SGCD: variants seen among roughly 807,000 people sequenced by gnomAD.
The protein encoded by SGCD is sarcoglycan delta.
A neutral mutation model predicts 36.6 loss-of-function variants in SGCD; 18 were observed. The ratio of observed to expected loss-of-function variants is 0.49; its 90% CI spans 0.34 to 0.73. SGCD has a LOEUF of 0.73. Ranked by LOEUF, SGCD falls within the 30% of genes least tolerant of loss-of-function variation. The pLI is 0.01. For missense variants in SGCD, 387 were observed against 346.7 expected, an observed-to-expected ratio of 1.12 and a Z score of -0.92; for synonymous variants, 133 against 130.6, an observed-to-expected ratio of 1.02 and a Z score of -0.12.
At chr5:156,061,428 A>G (rs10070956) in intron 1 of SGCD, among the ~76,000 whole-genome samples, 57,055 of 145,300 alleles carry the variant, frequency 0.39, 20,406 homozygotes, top group African/African-American at 0.85. Flanking sequence ...ACCAAATGTG[A>G]CAGGCTAATG....
At chr5:155,892,769 G>T (rs751763109) in intron 1 of SGCD, among the ~76,000 whole-genome samples, 37 of 152,172 alleles carry the variant, frequency 2.4e-4, no homozygotes, top group Non-Finnish European at 5.3e-4. Context: ...TGGCTGAATA[G>T]TATTACATTG....
chr5:155,955,734 G>T (rs1757637147), intron 1 of SGCD, among the ~76,000 whole-genome samples: 2 of 151,182 alleles, frequency 1.3e-5, no homozygotes, highest in African/African-American at 2.4e-5. Context: ...CCAATACTTT[G>T]GTATTTGTGA....
intron 3 of SGCD, among the ~76,000 whole-genome samples, chr5:156,480,978 T>A (rs1581054529): frequency 1.3e-5 from 2 of 152,098 alleles, no homozygotes; most frequent in East Asian, 3.9e-4. Flanking sequence ...CAGGAGCGAG[T>A]TCCAACCCAT....
chr5:155,820,846 G>A, the SGCD span, among the ~76,000 whole-genome samples: 2 of 152,120 alleles, frequency 1.3e-5, no homozygotes, highest in African/African-American at 2.4e-5. Flanking sequence ...TTGAAAGCAA[G>A]TATTTGAACA....
At chr5:156,584,723 G>A (rs1760421822) in intron 4 of SGCD, among the ~76,000 whole-genome samples, 2 of 152,176 alleles carry the variant, frequency 1.3e-5, no homozygotes, top group African/African-American at 4.8e-5. Flanking sequence ...GCATTAGGAA[G>A]TGAACAAATA....
chr5:155,843,006 A>G, the SGCD span, among the ~76,000 whole-genome samples: 1 of 152,180 alleles, frequency 6.6e-6, no homozygotes, highest in East Asian at 1.9e-4. Context: ...ATGAAGCCAT[A>G]TTCTTCAAAG....
rs1319698048 is a variant in SGCD at position 156,196,031 on chromosome 5, C to T, written c.-44+72012C>T. On this transcript the variant is annotated intron_variant, in intron 3 of 9. Transcript: ENST00000517913. ...AGGCACCAGCATCATCCAAGGAGGG[C>T]CCCTTTTCTAAAGTCTAGATCCCAG... Among the ~76,000 whole-genome samples the T allele has an allele frequency of 3.9e-5, 6 of 152,208 alleles. No individual in the cohort carries two copies. The East Asian group carries it at 5.8e-4, about 15-fold the overall frequency.
chr5:155,946,586 T>A lies in SGCD; in HGVS notation c.-282+76162T>A, dbSNP rs531786903. 2.0e-5 allele frequency among the ~76,000 whole-genome samples: 3 copies of A among 152,242 alleles called. No homozygotes were observed. The South Asian group carries it at 6.2e-4, about 32-fold the overall frequency. On this transcript the variant is annotated intron_variant, in intron 1 of 9. Transcript: ENST00000517913. The stretch of plus-strand genomic sequence containing the variant: ...TCTCCTTCTCAATCTTCCTAGAGAT[T>A]TAAATAGTCAGAGATTGATACTCCC...
intron 4 of SGCD, among the ~76,000 whole-genome samples, chr5:156,585,007 G>A (rs1462242497): frequency 1.3e-5 from 2 of 152,196 alleles, no homozygotes; most frequent in Non-Finnish European, 2.9e-5. Context: ...TTGCAGTGGT[G>A]ACAGATGAAC....
intron 1 of SGCD, among the ~76,000 whole-genome samples, chr5:156,046,658 C>T (rs976700096): frequency 8.6e-5 from 13 of 152,044 alleles, no homozygotes; most frequent in African/African-American, 2.2e-4. Context: ...TGAACTTAAC[C>T]GAGAAATGTC....
At chr5:156,646,325 G>A (rs755253712) in intron 6 of SGCD, among the ~76,000 whole-genome samples, 1 of 152,132 alleles carries the variant, frequency 6.6e-6, no homozygotes, top group Non-Finnish European at 1.5e-5. Context: ...CCATTCAGTG[G>A]GCACCAGCTT....
At chr5:155,978,462 TCAATGATAGTGTGG>T (rs943707186) in intron 1 of SGCD, among the ~76,000 whole-genome samples, 2 of 152,258 alleles carry the variant, frequency 1.3e-5, no homozygotes, top group African/African-American at 2.4e-5. Flanking sequence ...AGTGAAAGTC[TCAATGATAGTGTGG>T]CAACTGTGTC....
intron 4 of SGCD, among the ~76,000 whole-genome samples, chr5:156,541,857 C>T (rs572699918): frequency 2.7e-4 from 41 of 152,112 alleles, no homozygotes; most frequent in Non-Finnish European, 5.6e-4. Context: ...ATACAGGAAC[C>T]AGACATTGAG....
At chr5:156,466,776 T>C (rs1046796262) in intron 3 of SGCD, among the ~76,000 whole-genome samples, 3 of 152,236 alleles carry the variant, frequency 2.0e-5, no homozygotes, top group Non-Finnish European at 2.9e-5. Context: ...AAAAGTATTT[T>C]ATTTGAAAAT....
chr5:156,606,711 C>G (rs1369529612), intron 6 of SGCD, among the ~76,000 whole-genome samples: 2 of 152,180 alleles, frequency 1.3e-5, no homozygotes, highest in African/African-American at 2.4e-5. Context: ...TTTGTATCCT[C>G]TTTTATTTCA....
chr5:156,176,455 A>G (rs1763476288), intron 3 of SGCD, among the ~76,000 whole-genome samples: 1 of 152,150 alleles, frequency 6.6e-6, no homozygotes, highest in Admixed American at 6.5e-5. Context: ...GAAAAGACAA[A>G]AAAAGTATTT....
Position 156,173,799 on chromosome 5 carries a change from A to C in SGCD, c.-44+49780A>C, listed in dbSNP as rs140686252. 2.5e-3 allele frequency among the ~76,000 whole-genome samples: 376 copies of C among 149,250 alleles called. 1 individual carries two copies. Among genetic ancestry groups the C allele is most frequent in the African/African-American group, 8.3e-3 (330 of 39,828 alleles). On this transcript the variant is annotated intron_variant, in intron 3 of 9. Coordinates refer to the SGCD transcript ENST00000517913. ...CTTGTTATACTTACCTTGACCTTTC[A>C]TGCTTATCCTTTTGATAGTAAATTA...
the SGCD span, among the ~76,000 whole-genome samples, chr5:155,863,166 GT>G: frequency 1.3e-5 from 2 of 152,184 alleles, no homozygotes; most frequent in Non-Finnish European, 2.9e-5. Flanking sequence ...CTGAGCCTGA[GT>G]CACTCTCCCA....
the SGCD span, among the ~76,000 whole-genome samples, chr5:155,824,833 T>C: frequency 6.6e-6 from 1 of 152,188 alleles, no homozygotes; most frequent in African/African-American, 2.4e-5. Context: ...CTATAGGTCA[T>C]TTTGTGAGCA....
Sources: gnomAD v4.1 joint callset for allele counts (sites outside exome capture counted in the v4.1 genomes callset) on GRCh38, gnomAD v4.1.1 for gene constraint, MANE v1.5 for transcripts, NCBI Gene and HGNC (gene_info 2026-07-23, HGNC 2026-07-21) for gene names.